GREB1L: variants seen among roughly 807,000 people sequenced by gnomAD.
The protein encoded by GREB1L is GREB1-like protein.
Under a neutral mutation model 200.8 loss-of-function variants are expected in GREB1L, and 17 were observed. The observed-to-expected ratio is 0.08, with a 90% CI of 0.06 to 0.13. The LOEUF (loss-of-function observed/expected upper bound fraction) is 0.13, where lower values mean the gene tolerates loss of function less well. Ranked by LOEUF, GREB1L falls within the 10% of genes least tolerant of loss-of-function variation. The pLI is 1.00. For missense variants in GREB1L, 1,657 were observed against 2,367.7 expected (o/e 0.70, Z 6.23); for synonymous variants, 789 against 893.0 (o/e 0.88, Z 2.08).
chr18:21,430,661 A>T (rs901490182), intron 7 of GREB1L, among the ~76,000 whole-genome samples: 1 of 140,866 alleles, frequency 7.1e-6, no homozygotes, highest in Non-Finnish European at 1.5e-5. Context: ...CAATGGTGCA[A>T]TCTTGGCTCA....
At chr18:21,511,478 A>G (rs897000547) in intron 27 of GREB1L, among the ~76,000 whole-genome samples, 2 of 152,148 alleles carry the variant, frequency 1.3e-5, no homozygotes, top group African/African-American at 4.8e-5. Flanking sequence ...TATGTAAGAG[A>G]TCACTGCCAA....
intron 1 of GREB1L, among the ~76,000 whole-genome samples, chr18:21,266,107 A>G (rs2037963424): frequency 6.6e-6 from 1 of 152,128 alleles, no homozygotes; most frequent in Admixed American, 6.5e-5. Flanking sequence ...CTACCTATTA[A>G]ATCCTATATG....
intron 1 of GREB1L, among the ~76,000 whole-genome samples, chr18:21,242,818 G>C (rs1409765152): frequency 1.3e-5 from 2 of 152,124 alleles, no homozygotes; most frequent in Non-Finnish European, 2.9e-5. Context: ...GGGGGCACCT[G>C]GTTCGTCTCC....
rs534201190 is a variant in GREB1L at position 21,436,911 on chromosome 18, A to G, written c.833-2610A>G. 5.3e-5 allele frequency among the ~76,000 whole-genome samples: 8 copies of G among 152,028 alleles called. No individual in the cohort carries two copies. The South Asian group carries it at 1.5e-3, about 28-fold the overall frequency. ...TTTTTTGTACAGACAAGGTTTCGCT[A>G]TGTTGTCTAGGCTAGTCTCAAACTC... On this transcript the variant is annotated intron_variant, in intron 7 of 32. Coordinates refer to ENST00000424526, the MANE Select transcript of GREB1L (RefSeq NM_001142966.3).
intron 7 of GREB1L, among the ~76,000 whole-genome samples, chr18:21,413,285 T>A (rs1309191664): frequency 6.6e-6 from 1 of 152,206 alleles, no homozygotes. Context: ...CTGTCCCTGA[T>A]GATGGCTGTT....
chr18:21,518,150 C>G lies in GREB1L; in HGVS notation c.5388C>G (p.Ala1796=). The G allele has an allele frequency of 1.3e-6, 2 of 1,551,682 alleles. No homozygotes were observed. Among genetic ancestry groups the G allele is most frequent in the Admixed American group, 2.0e-5 (1 of 51,000 alleles). The change falls in exon 31 of 33, where the codon GCC becomes GCG. Residue 1796 remains alanine (A), a synonymous_variant. Coordinates refer to ENST00000424526, the MANE Select transcript of GREB1L (RefSeq NM_001142966.3). ...TCCTGGAGAAATTCCTTCAGCACGCCTCATATAAACTCTTCCCCAAAGCCA... is the reference window on the plus strand; with the variant it reads ...TCCTGGAGAAATTCCTTCAGCACGCGTCATATAAACTCTTCCCCAAAGCCA... ...QFLLEKFLQH[A]SYKLFPKAIH...
chr18:21,401,633 C>G (rs1302148485), intron 6 of GREB1L, among the ~76,000 whole-genome samples: 1 of 152,176 alleles, frequency 6.6e-6, no homozygotes. Flanking sequence ...AGGGTGACAG[C>G]TCCTTGGTTA....
In GREB1L at chr18:21,523,527, C is replaced by T. The variant is rs374592776; in HGVS notation, c.*706C>T. The T allele has an allele frequency of 6.6e-6, 1 of 152,222 alleles. No homozygotes were observed. The highest frequency in any genetic ancestry group is 1.5e-5 in the Non-Finnish European group (1 of 68,036). 9.4% of individuals were successfully genotyped at this position (152,222 alleles called of 1,614,324 possible). A position where few individuals can be genotyped will look rare whatever the true frequency, so the allele number is the denominator to read the frequency against. On this transcript the variant is annotated 3_prime_UTR_variant, in exon 33 of 33. Coordinates refer to ENST00000424526, the MANE Select transcript of GREB1L (RefSeq NM_001142966.3). ...ATCTTCTCCTAGCCTAATTCCTTTG[C>T]TTTACCCACTCTTTAAATGTGTTTC...
intron 7 of GREB1L, among the ~76,000 whole-genome samples, chr18:21,416,735 A>G (rs950969381): frequency 2.0e-5 from 3 of 151,678 alleles, no homozygotes; most frequent in Admixed American, 6.6e-5. Flanking sequence ...ATCATTATAA[A>G]TTGCTCAAGG....
intron 1 of GREB1L, among the ~76,000 whole-genome samples, chr18:21,347,435 T>A (rs932972337): frequency 2.0e-5 from 3 of 151,984 alleles, no homozygotes; most frequent in Non-Finnish European, 2.9e-5. Context: ...TCTTCTTTGC[T>A]GGTTTTACTC....
intron 5 of GREB1L, among the ~76,000 whole-genome samples, chr18:21,397,866 T>TCACAC (rs2041151472): frequency 6.6e-6 from 1 of 152,170 alleles, no homozygotes; most frequent in Non-Finnish European, 1.5e-5. Context: ...GTGACAGAAA[T>TCACAC]CACACGAGGC....
At position 21,500,116 on chromosome 18, in the gene GREB1L, C is replaced by G; in HGVS notation, c.3779C>G (p.Ala1260Gly). 6.4e-7 allele frequency: 1 copy of G among 1,551,714 alleles called. No individual in the cohort carries two copies. The highest frequency in any genetic ancestry group is 1.2e-5 in the South Asian group (1 of 84,068). Reference sequence around the variant, plus strand: ...TCCTCCTCCTCCCTGCTGCCCCACGCCGACGTGGCCTGGGTGAGCTCCCTG... The same window carrying G: ...TCCTCCTCCTCCCTGCTGCCCCACGGCGACGTGGCCTGGGTGAGCTCCCTG... Reference protein sequence around the residue: ...LPSSSSLLPHADVAWVSSLRP... With the variant: ...LPSSSSLLPHGDVAWVSSLRP... Residue 1260 changes from alanine to glycine, a missense_variant, in exon 22 of 33, where the codon GCC (alanine) becomes GGC (glycine). Physicochemically the swap from Ala to Gly is moderately conservative, Grantham distance 60 (BLOSUM62 0). Coordinates refer to ENST00000424526, the MANE Select transcript of GREB1L (RefSeq NM_001142966.3).
chr18:21,355,981 T>C (rs2039496606), intron 1 of GREB1L, among the ~76,000 whole-genome samples: 1 of 148,814 alleles, frequency 6.7e-6, no homozygotes, highest in Non-Finnish European at 1.5e-5. Context: ...TAATTAGGCT[T>C]CTTTTTTTTT....
chr18:21,242,641 C>T (rs1044719616), intron 1 of GREB1L, among the ~76,000 whole-genome samples: 10 of 152,110 alleles, frequency 6.6e-5, no homozygotes, highest in African/African-American at 2.2e-4. Context: ...CCTGCCGCCT[C>T]GCGTCGCCCA....
chr18:21,244,983 C>T lies in GREB1L; in HGVS notation c.-120+2590C>T, dbSNP rs2037572322. 1.3e-5 allele frequency among the ~76,000 whole-genome samples: 2 copies of T among 152,044 alleles called. 1 individual carries two copies. Among genetic ancestry groups the T allele is most frequent in the South Asian group, 4.1e-4 (2 of 4,828 alleles). ...CTGAAGTGTTTAGATTATGAACATC[C>T]CTTATAGCTAAGATATTTTAGTTAC... On this transcript the variant is annotated intron_variant, in intron 1 of 32. Coordinates refer to ENST00000424526, the MANE Select transcript of GREB1L (RefSeq NM_001142966.3).
At chr18:21,446,225 A>G (rs2034209772) in intron 11 of GREB1L, among the ~76,000 whole-genome samples, 1 of 152,162 alleles carries the variant, frequency 6.6e-6, no homozygotes, top group Non-Finnish European at 1.5e-5. Flanking sequence ...GGGTTTCACC[A>G]TGTTGGCCAG....
chr18:21,245,433 C>T (rs1215046790), intron 1 of GREB1L, among the ~76,000 whole-genome samples: 1 of 152,100 alleles, frequency 6.6e-6, no homozygotes, highest in Non-Finnish European at 1.5e-5. Context: ...AAAGAAAATT[C>T]AATACCAGTA....
chr18:21,382,324 G>A (rs2040350785), intron 2 of GREB1L, among the ~76,000 whole-genome samples: 1 of 151,884 alleles, frequency 6.6e-6, no homozygotes, highest in Non-Finnish European at 1.5e-5. Context: ...CTGGGTAACA[G>A]AGTAAGTGAG....
chr18:21,499,963 G>A lies in GREB1L; in HGVS notation c.3626G>A (p.Arg1209Lys), dbSNP rs1342893628. The change falls in exon 22 of 33, where the codon AGG becomes AAG. Residue 1209 changes from arginine to lysine, a missense_variant. Physicochemically the swap from Arg to Lys is conservative, Grantham distance 26 (BLOSUM62 2). Coordinates refer to ENST00000424526, the MANE Select transcript of GREB1L (RefSeq NM_001142966.3). ...CCGTCATCATCATCCTCAGGACCCAGGACCCTCCCATGGCCGGGACAGCCC... is the reference window on the plus strand; with the variant it reads ...CCGTCATCATCATCCTCAGGACCCAAGACCCTCCCATGGCCGGGACAGCCC... ...SKPSSSSSGP[R>K]TLPWPGQPIR... 1.2e-5 allele frequency: 19 copies of A among 1,551,316 alleles called. No individual in the cohort carries two copies. Among genetic ancestry groups the A allele is most frequent in the Non-Finnish European group, 1.5e-5 (17 of 1,146,930 alleles).
Sources: allele counts gnomAD v4.1 joint callset (sites outside exome capture counted in the v4.1 genomes callset), GRCh38; gene constraint gnomAD v4.1.1; transcripts MANE v1.5; gene names NCBI Gene and HGNC (gene_info 2026-07-23, HGNC 2026-07-21).